Variants in SASH1 observed in about 807,000 individuals in gnomAD.
SASH1 encodes the protein SAM and SH3 domain containing 1.
In SASH1, 44 loss-of-function variants were observed where a neutral mutation model predicts 125.2. The ratio of observed to expected loss-of-function variants is 0.35; its 90% CI spans 0.28 to 0.45. The LOEUF is 0.45. SASH1 is among the 20% of genes least tolerant of loss of function. The pLI, the probability that SASH1 is intolerant of heterozygous loss-of-function variation, is 1.00. For missense variants in SASH1, 1,426 were observed against 1,614.5 expected (o/e 0.88, Z 2.00); for synonymous variants, 639 against 649.1 (o/e 0.98, Z 0.24).
chr6:148,276,615 T>C (rs1408427777), intron 1 of SASH1, among the ~76,000 whole-genome samples: 1 of 152,166 alleles, frequency 6.6e-6, no homozygotes, highest in Non-Finnish European at 1.5e-5. Context: ...ATGAGAAAGC[T>C]GAGGGCAGGT....
intron 9 of SASH1, among the ~76,000 whole-genome samples, chr6:148,518,809 TG>T (rs1780622141): frequency 6.6e-6 from 1 of 152,208 alleles, no homozygotes; most frequent in Non-Finnish European, 1.5e-5. Context: ...GCTTGCCACC[TG>T]GCTCCAGTGA....
intron 1 of SASH1, among the ~76,000 whole-genome samples, chr6:148,332,841 G>A (rs1350157571): frequency 6.6e-6 from 1 of 151,916 alleles, no homozygotes; most frequent in Non-Finnish European, 1.5e-5. Flanking sequence ...CAAAAAATTA[G>A]CTGGGCTTGG....
At chr6:148,468,915 C>A (rs1319504608) in intron 5 of SASH1, 6 of 202,200 alleles carry the variant, frequency 3.0e-5, no homozygotes, top group Non-Finnish European at 4.9e-5. Flanking sequence ...TATGGCACAT[C>A]CAATATGGTG....
chr6:148,301,565 C>A (rs1268649764), intron 1 of SASH1, among the ~76,000 whole-genome samples: 2 of 151,434 alleles, frequency 1.3e-5, no homozygotes, highest in African/African-American at 4.9e-5. Context: ...TGTGCCCAAC[C>A]TGGGGTTTTT....
chr6:148,375,384 C>CTT lies in SASH1; in HGVS notation c.157-14737_157-14736dup, dbSNP rs5880777. Reference sequence around the variant, plus strand: ...CACACCTATTATCTCACATAGTTAACTTTTTTTTTTTTTTGTGGTGACAAG... The same window carrying CTT: ...CACACCTATTATCTCACATAGTTAACTTTTTTTTTTTTTTTTGTGGTGACAAG... On this transcript the variant is annotated intron_variant, in intron 1 of 19. Coordinates refer to ENST00000367467, the MANE Select transcript of SASH1 (RefSeq NM_015278.5). Among the ~76,000 whole-genome samples, 110 of 144,270 alleles carry CTT rather than the reference C, an allele frequency of 7.6e-4. 1 individual carries two copies. Among genetic ancestry groups the CTT allele is most frequent in the African/African-American group, 2.3e-3 (91 of 39,602 alleles). The allele number at this position is 144,270 out of a possible 152,430, so 94.6% of individuals were successfully genotyped here.
In SASH1 at chr6:148,543,817, G is replaced by A. The variant is rs563538368; in HGVS notation, c.2347G>A (p.Glu783Lys). 1.2e-6 allele frequency: 2 copies of A among 1,614,140 alleles called. No homozygotes were observed. Among genetic ancestry groups the A allele is most frequent in the South Asian group, 2.2e-5 (2 of 91,068 alleles). Residue 783 changes from glutamate to lysine, a missense_variant, in exon 18 of 20, where the codon GAG becomes AAG. Coordinates refer to ENST00000367467, the MANE Select transcript of SASH1 (RefSeq NM_015278.5). ...KSGDALKQGQEEGRLGGGLAP... is the reference protein window; with the variant it reads ...KSGDALKQGQKEGRLGGGLAP... Reference sequence around the variant, plus strand: ...AGGGGATGCACTGAAGCAGGGACAGGAGGAGGGCAGGCTGGGTGGTGGCCT... The same window carrying A: ...AGGGGATGCACTGAAGCAGGGACAGAAGGAGGGCAGGCTGGGTGGTGGCCT...
chr6:148,271,547 A>G (rs1309435631), upstream of SASH1, among the ~76,000 whole-genome samples: 1 of 152,186 alleles, frequency 6.6e-6, no homozygotes, highest in Non-Finnish European at 1.5e-5. Context: ...TTATTTTATT[A>G]AAAGGGAAAT....
intron 9 of SASH1, among the ~76,000 whole-genome samples, chr6:148,515,506 C>T (rs959328307): frequency 1.3e-5 from 2 of 152,004 alleles, no homozygotes; most frequent in African/African-American, 4.8e-5. Flanking sequence ...AATACCGAAG[C>T]TAAGTGGGTA....
chr6:148,384,328 G>A (rs1263213577), intron 1 of SASH1, among the ~76,000 whole-genome samples: 1 of 152,162 alleles, frequency 6.6e-6, no homozygotes, highest in Non-Finnish European at 1.5e-5. Context: ...AAGTGAAACA[G>A]ATGAGGCAAG....
At chr6:148,341,946 C>T (rs1781341145), upstream of SASH1, among the ~76,000 whole-genome samples, 1 of 152,186 alleles carries the variant, frequency 6.6e-6, no homozygotes, top group African/African-American at 2.4e-5. Context: ...ATCACCTCTC[C>T]AGGGCTAGTT....
the SASH1 span, among the ~76,000 whole-genome samples, chr6:148,203,021 C>A: frequency 7.2e-5 from 11 of 151,758 alleles, no homozygotes; most frequent in Non-Finnish European, 1.6e-4. Context: ...CAAGAAGTAA[C>A]AAGACCAAAT....
intron 1 of SASH1, among the ~76,000 whole-genome samples, chr6:148,383,607 C>T (rs1783242301): frequency 6.6e-6 from 1 of 152,138 alleles, no homozygotes; most frequent in African/African-American, 2.4e-5. Context: ...ATTGTATCTC[C>T]TGATGTTTTC....
intron 1 of SASH1, among the ~76,000 whole-genome samples, chr6:148,272,716 C>T (rs949852806): frequency 3.0e-4 from 45 of 152,198 alleles, no homozygotes; most frequent in African/African-American, 1.1e-3. Context: ...AGAGCTTTTC[C>T]AGCCTCTACT....
intron 16 of SASH1, among the ~76,000 whole-genome samples, chr6:148,538,008 C>T (rs1479008176): frequency 1.3e-5 from 2 of 152,032 alleles, no homozygotes; most frequent in African/African-American, 2.4e-5. Context: ...ACCTTGGCAC[C>T]CACGCTGACA....
intron 1 of SASH1, among the ~76,000 whole-genome samples, chr6:148,348,545 T>C (rs2114653445): frequency 6.6e-6 from 1 of 152,186 alleles, no homozygotes; most frequent in Admixed American, 6.5e-5. Context: ...CCTGGGGCTG[T>C]GCTGGATCTT....
At chr6:148,387,117 CTTTTTT>C (rs34236225) in intron 1 of SASH1, among the ~76,000 whole-genome samples, 1 of 108,992 alleles carries the variant, frequency 9.2e-6, no homozygotes. Flanking sequence ...TCTTTCTTTT[CTTTTTT>C]TTTTTTTTTT....
upstream of SASH1, among the ~76,000 whole-genome samples, chr6:148,267,809 G>T (rs1020812457): frequency 2.6e-5 from 4 of 152,172 alleles, no homozygotes; most frequent in Non-Finnish European, 5.9e-5. Context: ...TGCAGAATCA[G>T]CCTTCGAAGG....
intron 12 of SASH1, among the ~76,000 whole-genome samples, chr6:148,528,698 AG>A (rs1165484546): frequency 1.5e-4 from 23 of 152,252 alleles, no homozygotes; most frequent in African/African-American, 4.6e-4. Context: ...GCTGGCATCT[AG>A]GGCAGCAGTG....
chr6:148,539,437 C>T (rs913704944), intron 16 of SASH1, among the ~76,000 whole-genome samples: 3 of 152,094 alleles, frequency 2.0e-5, no homozygotes, highest in East Asian at 1.9e-4. Context: ...CTCCTACTTA[C>T]AAGTGAGACC....
Sources: gnomAD v4.1 joint callset for allele counts (sites outside exome capture counted in the v4.1 genomes callset) on GRCh38, gnomAD v4.1.1 for gene constraint, MANE v1.5 for transcripts, NCBI Gene and HGNC (gene_info 2026-07-23, HGNC 2026-07-21) for gene names.